THSD4: variants seen among roughly 807,000 people sequenced by gnomAD.
THSD4 encodes thrombospondin type 1 domain containing 4.
THSD4 carries 69 observed loss-of-function variants against 119.0 expected under a neutral mutation model. The ratio of observed to expected loss-of-function variants is 0.58; its 90% confidence interval spans 0.48 to 0.71. THSD4 has a LOEUF of 0.71. THSD4 is among the 30% of genes least tolerant of loss of function. The pLI is 0.00. For missense variants in THSD4, 1,393 were observed against 1,391.1 expected, an observed-to-expected ratio of 1.00 and a Z score of -0.02; for synonymous variants, 524 against 540.4, an observed-to-expected ratio of 0.97 and a Z score of 0.42.
At chr15:71,567,776 AG>A (rs1708475062) in intron 7 of THSD4, among the ~76,000 whole-genome samples, 1 of 150,420 alleles carries the variant, frequency 6.6e-6, no homozygotes, top group Admixed American at 6.6e-5. Flanking sequence ...AGAGAGAGAG[AG>A]TGTGTGTGTG....
intron 6 of THSD4, among the ~76,000 whole-genome samples, chr15:71,403,790 CTGCCCTTATGCAT>C (rs2046570460): frequency 6.6e-6 from 1 of 152,248 alleles, no homozygotes. Flanking sequence ...TCCATGGGCC[CTGCCCTTATGCAT>C]TGCCCCTATG....
intron 6 of THSD4, among the ~76,000 whole-genome samples, chr15:71,361,786 A>G (rs922868810): frequency 1.3e-5 from 2 of 152,216 alleles, no homozygotes; most frequent in Admixed American, 6.5e-5. Flanking sequence ...TATTTCATCC[A>G]TACAAAGGGA....
chr15:71,634,342 G>A (rs1167251987), intron 7 of THSD4, among the ~76,000 whole-genome samples: 2 of 152,212 alleles, frequency 1.3e-5, no homozygotes, highest in Non-Finnish European at 2.9e-5. Context: ...AGGGAGGATG[G>A]TTTTTTAAGT....
At chr15:71,617,027 A>G (rs1445277412) in intron 7 of THSD4, among the ~76,000 whole-genome samples, 1 of 152,198 alleles carries the variant, frequency 6.6e-6, no homozygotes, top group Non-Finnish European at 1.5e-5. Context: ...GGGAGTGGCC[A>G]ATCTAGAATT....
intron 4 of THSD4, among the ~76,000 whole-genome samples, chr15:71,238,302 A>C (rs1197430722): frequency 1.3e-5 from 2 of 152,240 alleles, no homozygotes; most frequent in Non-Finnish European, 1.5e-5. Context: ...TCTTAAAAAA[A>C]ACTTTATTGA....
chr15:71,132,247 A>G (rs2040510473), intron 1 of THSD4, among the ~76,000 whole-genome samples: 1 of 152,244 alleles, frequency 6.6e-6, no homozygotes, highest in African/African-American at 2.4e-5. Context: ...GGAACAAGGA[A>G]GAGTAGCAAA....
In THSD4 at chr15:71,246,617, C is replaced by T. The variant is rs527454424; in HGVS notation, c.912+3521C>T. ...CGATGTGCATGTTTAATATTAAGAC[C>T]TATCTTATGGTGTGATCTAGGAATT... On this transcript the variant is annotated intron_variant, in intron 5 of 17. Transcript: ENST00000261862. 6.6e-5 allele frequency among the ~76,000 whole-genome samples: 10 copies of T among 152,234 alleles called. No individual in the cohort carries two copies. In the South Asian group the frequency reaches 1.9e-3, roughly 28 times the overall value.
chr15:71,600,136 C>T (rs915094036), intron 7 of THSD4, among the ~76,000 whole-genome samples: 1 of 152,206 alleles, frequency 6.6e-6, no homozygotes, highest in African/African-American at 2.4e-5. Context: ...TGGGGAAATG[C>T]TACTAATTAG....
At chr15:71,723,293 C>G (rs757885184) in intron 8 of THSD4, among the ~76,000 whole-genome samples, 1 of 152,118 alleles carries the variant, frequency 6.6e-6, no homozygotes, top group Non-Finnish European at 1.5e-5. Flanking sequence ...TACTTCCTTG[C>G]TTACCCACCT....
chr15:71,181,471 A>G (rs182532259), intron 3 of THSD4, among the ~76,000 whole-genome samples: 37 of 152,330 alleles, frequency 2.4e-4, no homozygotes, highest in Middle Eastern at 3.4e-3. Flanking sequence ...GTTTGGGAAT[A>G]ATGGTACGGT....
chr15:71,741,030 T>C (rs1386956849), intron 11 of THSD4, among the ~76,000 whole-genome samples: 1 of 152,178 alleles, frequency 6.6e-6, no homozygotes, highest in Non-Finnish European at 1.5e-5. Context: ...GTTTTTTGAA[T>C]AAGTGACTAT....
At chr15:71,765,231 T>G in intron 16 of THSD4, 32 bp downstream of exon 16, 1 of 1,600,170 alleles carries the variant, frequency 6.2e-7, no homozygotes, top group Non-Finnish European at 8.5e-7. Context: ...GGAGGTTGCA[T>G]TGGCACAACG....
In THSD4 at chr15:71,498,086, G is replaced by C. The variant is rs4359391; in HGVS notation, c.1152+86263G>C. On this transcript the variant is annotated intron_variant, in intron 7 of 17. Transcript: ENST00000261862. ...CCAGCATGCGTTGGTGATAGAAATC[G>C]AATACTCACTCGAATTTAATGATTA... is the stretch of plus-strand genomic sequence containing the variant. Among the ~76,000 whole-genome samples, 16 of 152,334 alleles carry C rather than the reference G, an allele frequency of 1.1e-4. No individual in the cohort carries two copies. The East Asian group carries it at 1.9e-3, about 18-fold the overall frequency.
At chr15:71,694,327 G>A (rs1197047725) in intron 8 of THSD4, among the ~76,000 whole-genome samples, 1 of 152,090 alleles carries the variant, frequency 6.6e-6, no homozygotes, top group Non-Finnish European at 1.5e-5. Context: ...ATTTGGACCT[G>A]GTTAGCATTT....
chr15:71,646,589 T>A (rs2050973058), intron 7 of THSD4, among the ~76,000 whole-genome samples: 1 of 152,234 alleles, frequency 6.6e-6, no homozygotes, highest in Non-Finnish European at 1.5e-5. Context: ...TAAAACATAA[T>A]ATGCATTGAG....
At chr15:71,143,727 G>A (rs1170803391) in intron 2 of THSD4, among the ~76,000 whole-genome samples, 3 of 112,374 alleles carry the variant, frequency 2.7e-5, no homozygotes, top group Non-Finnish European at 3.5e-5. Flanking sequence ...TTTCAAAAGA[G>A]ACAGGATTTT....
intron 14 of THSD4, among the ~76,000 whole-genome samples, chr15:71,756,883 T>G (rs1222291628): frequency 6.6e-6 from 1 of 152,230 alleles, no homozygotes; most frequent in East Asian, 1.9e-4. Context: ...CTTTGGGCTG[T>G]GACTCAGGAA....
chr15:71,098,356 C>T (rs867228771), intron 1 of THSD4, among the ~76,000 whole-genome samples: 30 of 151,808 alleles, frequency 2.0e-4, no homozygotes, highest in Middle Eastern at 3.4e-3. Context: ...CCACCACCAC[C>T]CAGCTAGGTT....
chr15:71,770,286 G>T (rs2053797374), intron 16 of THSD4, among the ~76,000 whole-genome samples: 14 of 120,766 alleles, frequency 1.2e-4, no homozygotes, highest in Non-Finnish European at 1.3e-4. Context: ...CAAAGAAAAT[G>T]TATTTAAATG....
Sources: gnomAD v4.1 joint callset for allele counts (sites outside exome capture counted in the v4.1 genomes callset) on GRCh38, gnomAD v4.1.1 for gene constraint, MANE v1.5 for transcripts, NCBI Gene and HGNC (gene_info 2026-07-23, HGNC 2026-07-21) for gene names.